The following LIMA1 variants were observed in gnomAD, a reference collection of about 807,000 sequenced individuals.
LIMA1 encodes the protein LIM domain and actin binding 1, also known as LIM domain and actin-binding protein 1.
In LIMA1, 52 loss-of-function variants were observed where a neutral mutation model predicts 62.6. The observed-to-expected ratio is 0.83, with a 90% CI of 0.67 to 1.05. The LOEUF (loss-of-function observed/expected upper bound fraction) is 1.05. Among genes scored for constraint, LIMA1 ranks in the 50% least tolerant of loss-of-function variants. The probability of loss-of-function intolerance (pLI) is 0.00; values close to 1 mark genes in which losing one functional copy is unlikely to be tolerated. For missense variants in LIMA1, 780 were observed against 902.2 expected (o/e 0.86, Z 1.74); for synonymous variants, 302 against 317.8 (o/e 0.95, Z 0.53).
chr12:50,250,862 A>G (rs1473457299), intron 1 of LIMA1, among the ~76,000 whole-genome samples: 1 of 152,230 alleles, frequency 6.6e-6, no homozygotes, highest in Non-Finnish European at 1.5e-5. Flanking sequence ...AATAGCATTT[A>G]CTTCACAGTA....
At chr12:50,185,075 C>T (rs1343942577) in intron 9 of LIMA1, among the ~76,000 whole-genome samples, 3 of 152,152 alleles carry the variant, frequency 2.0e-5, no homozygotes, top group Non-Finnish European at 4.4e-5. Flanking sequence ...TGTGATCTGC[C>T]CACCTTGGCC....
chr12:50,216,083 A>C (rs1941340835), intron 4 of LIMA1, among the ~76,000 whole-genome samples: 2 of 151,684 alleles, frequency 1.3e-5, no homozygotes, highest in South Asian at 4.2e-4. Flanking sequence ...AACATGGGTC[A>C]TAACTAGTTG....
intron 3 of LIMA1, among the ~76,000 whole-genome samples, chr12:50,226,099 T>G (rs1238262942): frequency 6.6e-6 from 1 of 152,148 alleles, no homozygotes; most frequent in Non-Finnish European, 1.5e-5. Context: ...CATGCTAGAG[T>G]GCAGTGGCAT....
chr12:50,249,007 C>T (rs1292221913), intron 1 of LIMA1, among the ~76,000 whole-genome samples: 1 of 152,208 alleles, frequency 6.6e-6, no homozygotes, highest in African/African-American at 2.4e-5. Context: ...TTATGACTGA[C>T]CCCACTGTGC....
intron 1 of LIMA1, among the ~76,000 whole-genome samples, chr12:50,261,042 ATTTTTTTTTTTTT>A (rs71083524): frequency 1.8e-5 from 1 of 54,292 alleles, no homozygotes; most frequent in East Asian, 1.1e-3. Context: ...CATCTAGTAT[ATTTTTTTTTTTTT>A]TTTTTTTTTT....
chr12:50,227,227 T>TTTTTC (rs1279046969), intron 3 of LIMA1, among the ~76,000 whole-genome samples: 2 of 137,538 alleles, frequency 1.5e-5, no homozygotes, highest in African/African-American at 2.7e-5. Context: ...TTCACTTTCT[T>TTTTTC]TTTTCTTTTC....
chr12:50,193,631 CGTGT>C (rs67491136), intron 8 of LIMA1, among the ~76,000 whole-genome samples: 1,042 of 85,968 alleles, frequency 0.012, 37 homozygotes, highest in African/African-American at 0.05. Flanking sequence ...CATATATATA[CGTGT>C]GTGTGTGTGT....
At chr12:50,201,566 G>A in intron 6 of LIMA1, 4 of 968,744 alleles carry the variant, frequency 4.1e-6, no homozygotes, top group Non-Finnish European at 3.7e-6. Flanking sequence ...AAGGACACTG[G>A]GGTGAATATT....
At chr12:50,281,865 G>C (rs1942343623) in intron 1 of LIMA1, among the ~76,000 whole-genome samples, 1 of 152,014 alleles carries the variant, frequency 6.6e-6, no homozygotes, top group Non-Finnish European at 1.5e-5. Flanking sequence ...CAGTACCCTG[G>C]GCTGACCTCT....
At chr12:50,279,929 C>A (rs1159065498) in intron 1 of LIMA1, among the ~76,000 whole-genome samples, 1 of 151,918 alleles carries the variant, frequency 6.6e-6, no homozygotes, top group Non-Finnish European at 1.5e-5. Context: ...CTAAGTAAAG[C>A]GGATATTGGG....
At chr12:50,245,956 G>A (rs542550886) in intron 2 of LIMA1, among the ~76,000 whole-genome samples, 6 of 151,736 alleles carry the variant, frequency 4.0e-5, no homozygotes, top group Non-Finnish European at 8.8e-5. Flanking sequence ...CAGCCAGGCC[G>A]GGCGTGGTGG....
chr12:50,230,777 C>T (rs1007000806), intron 3 of LIMA1, among the ~76,000 whole-genome samples: 3 of 151,806 alleles, frequency 2.0e-5, no homozygotes, highest in Non-Finnish European at 4.4e-5. Context: ...CGGGGTTTCA[C>T]CGTGTTAGCC....
At chr12:50,247,109 G>A (rs1941860692) in intron 2 of LIMA1, among the ~76,000 whole-genome samples, 1 of 152,046 alleles carries the variant, frequency 6.6e-6, no homozygotes, top group Non-Finnish European at 1.5e-5. Flanking sequence ...CTGCACTCCA[G>A]CCTGGGTGAC....
intron 1 of LIMA1, among the ~76,000 whole-genome samples, chr12:50,262,156 T>C (rs1367093868): frequency 6.6e-6 from 1 of 152,182 alleles, no homozygotes; most frequent in East Asian, 1.9e-4. Context: ...CTCCTTCTAC[T>C]GAGATAATTT....
intron 2 of LIMA1, among the ~76,000 whole-genome samples, chr12:50,238,757 G>T (rs1006024353): frequency 1.3e-5 from 2 of 151,712 alleles, no homozygotes; most frequent in African/African-American, 4.8e-5. Flanking sequence ...GGCTGAGGCA[G>T]GAGAATCGCT....
chr12:50,194,578 G>A (rs1940886612), intron 8 of LIMA1, among the ~76,000 whole-genome samples: 1 of 152,026 alleles, frequency 6.6e-6, no homozygotes, highest in East Asian at 2.0e-4. Flanking sequence ...GATTACAGGT[G>A]TGAGCCACTG....
intron 1 of LIMA1, among the ~76,000 whole-genome samples, chr12:50,281,846 A>G (rs558488499): frequency 1.3e-5 from 2 of 152,310 alleles, no homozygotes; most frequent in East Asian, 3.9e-4. Context: ...TATATTCCCT[A>G]TGCTCCTACA....
At chr12:50,241,933 A>ATTTTTTTTTTTTTTTTTTTTT (rs577308413) in intron 2 of LIMA1, among the ~76,000 whole-genome samples, 2 of 36,406 alleles carry the variant, frequency 5.5e-5, no homozygotes, top group African/African-American at 9.8e-5. Context: ...TCCTTCCCAG[A>ATTTTTTTTTTTTTTTTTTTTT]TTTTTTTTTT....
intron 1 of LIMA1, among the ~76,000 whole-genome samples, chr12:50,279,761 C>G (rs1446391644): frequency 6.6e-6 from 1 of 152,198 alleles, no homozygotes; most frequent in Non-Finnish European, 1.5e-5. Flanking sequence ...CATGGACAGA[C>G]AGCTTTCCTG....
Sources: gnomAD v4.1 joint callset for allele counts (sites outside exome capture counted in the v4.1 genomes callset) on GRCh38, gnomAD v4.1.1 for gene constraint, MANE v1.5 for transcripts, NCBI Gene and HGNC (gene_info 2026-07-23, HGNC 2026-07-21) for gene names.